Variants in URI1 observed in about 807,000 individuals in gnomAD.
The protein encoded by URI1 is unconventional prefoldin RPB5 interactor 1.
URI1 carries 39 observed loss-of-function variants against 60.2 expected under a neutral mutation model. The ratio of observed to expected loss-of-function variants is 0.65; its 90% CI spans 0.50 to 0.85. The LOEUF (loss-of-function observed/expected upper bound fraction) is 0.85, where lower values mean the gene tolerates loss of function less well. Among genes scored for constraint, URI1 ranks in the 40% least tolerant of loss-of-function variants. The pLI, the probability that URI1 is intolerant of heterozygous loss-of-function variation, is 0.00. For missense variants in URI1, 691 were observed against 665.9 expected, an observed-to-expected ratio of 1.04 and a Z score of -0.42; for synonymous variants, 251 against 236.8, an observed-to-expected ratio of 1.06 and a Z score of -0.55.
intron 1 of URI1, among the ~76,000 whole-genome samples, chr19:29,959,555 C>G (rs553827519): frequency 6.6e-6 from 1 of 152,210 alleles, no homozygotes; most frequent in Non-Finnish European, 1.5e-5. Context: ...AGTTCAAAGA[C>G]TATCCAGATT....
intron 3 of URI1, 115 bp downstream of exon 3, chr19:29,985,416 AG>A: frequency 1.3e-6 from 1 of 767,400 alleles, no homozygotes; most frequent in Non-Finnish European, 2.0e-6. Context: ...CTATGTAGCA[AG>A]GAAGATTTGT....
rs71333427 is a variant in URI1, at chr19:29,980,612, T to TAAAAAAA, written c.153-4590_153-4584dup. Among the ~76,000 whole-genome samples the TAAAAAAA allele has an allele frequency of 2.7e-5, 2 of 73,860 alleles. 1 individual carries two copies. Among genetic ancestry groups the TAAAAAAA allele is most frequent in the South Asian group, 1.4e-3 (2 of 1,432 alleles). 48.5% of individuals were successfully genotyped at this position (73,860 alleles called of 152,430 possible). A position where few individuals can be genotyped will look rare whatever the true frequency, so the allele number is the denominator to read the frequency against. On this transcript the variant is annotated intron_variant, in intron 2 of 10. Transcript: ENST00000392271. The stretch of plus-strand genomic sequence containing the variant: ...GAGAGTGATAGAAGATTTTTTTTCT[T>TAAAAAAA]AAAAAAAAAAAAAAAAAAAAAAAAA...
At chr19:30,012,215 A>G (rs1599728991) in intron 9 of URI1, 70 bp from the exon 10 acceptor site, 1 of 1,492,682 alleles carries the variant, frequency 6.7e-7, no homozygotes, top group East Asian at 2.3e-5. Flanking sequence ...ATTCAAGGAA[A>G]TTTTCAAAAA....
chr19:29,948,650 G>A (rs1468296579), intron 1 of URI1, among the ~76,000 whole-genome samples: 1 of 152,080 alleles, frequency 6.6e-6, no homozygotes, highest in Non-Finnish European at 1.5e-5. Flanking sequence ...AGAGAGCACG[G>A]GGCTGGGGGT....
chr19:30,013,396 A>G (rs1251146121), intron 10 of URI1, among the ~76,000 whole-genome samples: 8 of 152,182 alleles, frequency 5.3e-5, no homozygotes, highest in African/African-American at 1.7e-4. Flanking sequence ...GGGACAGTAC[A>G]TATGACTAGA....
intron 1 of URI1, among the ~76,000 whole-genome samples, chr19:29,947,222 G>A (rs141979269): frequency 6.6e-4 from 101 of 152,350 alleles, no homozygotes; most frequent in African/African-American, 2.3e-3. Flanking sequence ...TTTTGAGGCT[G>A]ATCTTAAATT....
intron 4 of URI1, among the ~76,000 whole-genome samples, chr19:29,994,345 C>T (rs1010672814): frequency 6.6e-6 from 1 of 151,342 alleles, no homozygotes; most frequent in African/African-American, 2.4e-5. Flanking sequence ...CATGGTTGGT[C>T]AGCTATAACC....
chr19:29,999,316 C>A (rs2055849789), intron 4 of URI1, among the ~76,000 whole-genome samples: 1 of 152,000 alleles, frequency 6.6e-6, no homozygotes, highest in Non-Finnish European at 1.5e-5. Flanking sequence ...TCATTTCTAC[C>A]CGAAGAACTT....
intron 1 of URI1, among the ~76,000 whole-genome samples, chr19:29,968,560 T>TTTTTC (rs2055417744): frequency 7.9e-6 from 1 of 126,902 alleles, no homozygotes; most frequent in Admixed American, 9.6e-5. Flanking sequence ...ATTTACTAAT[T>TTTTTC]TTTTCTTTTT....
chr19:29,977,124 T>C (rs974105486), intron 2 of URI1, among the ~76,000 whole-genome samples: 3 of 151,774 alleles, frequency 2.0e-5, no homozygotes, highest in African/African-American at 7.3e-5. Context: ...GAAGATTTGA[T>C]TTTCTCTCTC....
chr19:29,927,654 GCAACCTCCACCTCCTGGGTT>G (rs947597454), intron 1 of URI1, among the ~76,000 whole-genome samples: 4 of 137,592 alleles, frequency 2.9e-5, no homozygotes, highest in Non-Finnish European at 6.1e-5. Context: ...TCAGCTCACT[GCAACCTCCACCTCCTGGGTT>G]CAACCAATTC....
chr19:29,956,461 T>C, intron 1 of URI1: 1 of 1,589,198 alleles, frequency 6.3e-7, no homozygotes, highest in Non-Finnish European at 8.5e-7. Context: ...ATAGATACCA[T>C]CCAAAAATTT....
intron 2 of URI1, among the ~76,000 whole-genome samples, chr19:29,982,057 A>G (rs1408214547): frequency 6.6e-6 from 1 of 152,196 alleles, no homozygotes. Flanking sequence ...CTAAGCCCTG[A>G]ACATTTCCAC....
At chr19:29,970,949 G>GT (rs1047097548) in intron 1 of URI1, 2 of 506,232 alleles carry the variant, frequency 4.0e-6, no homozygotes, top group African/African-American at 3.8e-5. Context: ...AGCGGGTTTT[G>GT]TACCAAAGTA....
At chr19:29,953,670 C>T (rs190189854) in intron 1 of URI1, among the ~76,000 whole-genome samples, 33 of 136,804 alleles carry the variant, frequency 2.4e-4, no homozygotes, top group Non-Finnish European at 4.2e-4. Context: ...ATAATTCTTC[C>T]ATTTTCTCAT....
chr19:30,004,318 G>A (rs1247858775), intron 4 of URI1: 2 of 151,904 alleles, frequency 1.3e-5, no homozygotes, highest in Admixed American at 6.6e-5. Flanking sequence ...GAGCCGTATC[G>A]GAGAACATGT....
intron 7 of URI1, among the ~76,000 whole-genome samples, chr19:30,007,971 A>C (rs113719751): frequency 1.3e-5 from 2 of 152,066 alleles, no homozygotes; most frequent in African/African-American, 4.8e-5. Context: ...TATAATGTTA[A>C]ATTTTAAATG....
At chr19:29,969,535 A>T (rs530944160) in intron 1 of URI1, among the ~76,000 whole-genome samples, 1 of 152,354 alleles carries the variant, frequency 6.6e-6, no homozygotes, top group East Asian at 1.9e-4. Flanking sequence ...GTAAATGATT[A>T]TGAATGTGTA....
In URI1 at chr19:30,005,400, A is replaced by G. The variant is rs1268077881; in HGVS notation, c.407A>G (p.Lys136Arg). 4.4e-6 allele frequency: 7 copies of G among 1,604,372 alleles called. No individual in the cohort carries two copies. Among genetic ancestry groups the G allele is most frequent in the African/African-American group, 1.3e-5 (1 of 74,328 alleles). Residue 136 changes from lysine to arginine, a missense_variant, in exon 5 of 11, where the codon AAA becomes AGA. Lys to Arg is a conservative substitution (Grantham distance 26). Transcript: ENST00000392271. Reference sequence around the variant, plus strand: ...ATAGATGACTTAAAAAAAGTGATGAAAAATTTTGAATCCAGAGTTGAATTC... The same window carrying G: ...ATAGATGACTTAAAAAAAGTGATGAGAAATTTTGAATCCAGAGTTGAATTC... ...KTIDDLKKVM[K>R]NFESRVEFTE... is the part of the protein sequence containing the mutation.
Sources: allele counts gnomAD v4.1 joint callset (sites outside exome capture counted in the v4.1 genomes callset), GRCh38; gene constraint gnomAD v4.1.1; transcripts MANE v1.5; gene names NCBI Gene and HGNC (gene_info 2026-07-23, HGNC 2026-07-21).